CAPN10: variants seen among roughly 807,000 people sequenced by gnomAD.
CAPN10 encodes calpain-10.
In CAPN10, 71 loss-of-function variants were observed where a neutral mutation model predicts 78.4. That is an observed-to-expected ratio of 0.91 (90% confidence interval 0.75 to 1.10). CAPN10 has a LOEUF of 1.10. Ranked by LOEUF, CAPN10 falls within the 50% of genes least tolerant of loss-of-function variation. The pLI, the probability that CAPN10 is intolerant of heterozygous loss-of-function variation, is 0.00. For missense variants in CAPN10, 849 were observed against 924.6 expected (o/e 0.92, Z 1.06); for synonymous variants, 437 against 407.2 (o/e 1.07, Z -0.88).
Position 240,587,010 on chromosome 2 carries a change from G to T in CAPN10, c.99G>T (p.Pro33=). Residue 33 remains proline, a synonymous_variant, in exon 1 of 12, where the codon CCG becomes CCT. Transcript: ENST00000391984. ...DSSLFCDLST[P]LAQFREDITW... ...CGCTCTTCTGCGACTTGTCTACGCC[G>T]CTGGCCCAGTTCCGCGAGGACATCA... 6.8e-7 allele frequency: 1 copy of T among 1,475,510 alleles called. No homozygotes were observed. The highest frequency in any genetic ancestry group is 1.3e-5 in the South Asian group (1 of 76,480). The allele number at this position is 1,475,510 out of a possible 1,614,324, so 91.4% of individuals were successfully genotyped here.
intron 3 of CAPN10, chr2:240,591,712 TG>T: frequency 1.7e-6 from 1 of 579,076 alleles, no homozygotes; most frequent in Non-Finnish European, 3.1e-6. Flanking sequence ...TTTCTGTGTG[TG>T]GGCAGAGGAC....
At chr2:240,594,455 G>A in intron 5 of CAPN10, 88 bp from the exon 6 acceptor site, 1 of 1,374,242 alleles carries the variant, frequency 7.3e-7, no homozygotes, top group Non-Finnish European at 1.0e-6. Context: ...GGCTCTCTGG[G>A]TCCCCTCCAG....
rs201282500 is a variant in CAPN10, at chr2:240,589,331, T to C, written c.142-12T>C. ...GGCATGATCTAACTCTGGACAACTT[T>C]CTGTATCTCAGGAGATTTGTGCCAC... On this transcript the variant is annotated splice_polypyrimidine_tract_variant and intron_variant, in intron 1 of 11. Transcript: ENST00000391984. 12 of 1,614,032 alleles carry C rather than the reference T, an allele frequency of 7.4e-6. No individual in the cohort carries two copies. The highest frequency in any genetic ancestry group is 1.6e-4 in the Middle Eastern group (1 of 6,084).
chr2:240,597,520 G>A (rs186802555), intron 9 of CAPN10, among the ~76,000 whole-genome samples: 1 of 152,336 alleles, frequency 6.6e-6, no homozygotes, highest in East Asian at 1.9e-4. Flanking sequence ...TCGGTTCACA[G>A]TGGGCTGCCT....
rs1322198587 is a variant in CAPN10, at chr2:240,593,959, C to T, written c.742C>T (p.Leu248Phe). 1.9e-6 allele frequency: 3 copies of T among 1,610,904 alleles called. No individual in the cohort carries two copies. In the East Asian group the frequency reaches 6.7e-5, roughly 36 times the overall value. ...CTTCATTGTCTCGGACCTGCGGGAGCTCCAGGGTCAGGCGGGCCAGTGCAT... is the reference window on the plus strand; with the variant it reads ...CTTCATTGTCTCGGACCTGCGGGAGTTCCAGGGTCAGGCGGGCCAGTGCAT... ...HAFIVSDLRE[L>F]QGQAGQCILL... The change falls in exon 5 of 12, where the codon CTC becomes TTC. Residue 248 changes from leucine (L) to phenylalanine (F), a missense_variant. By Grantham distance (22) the Leu-to-Phe change is conservative. Transcript: ENST00000391984.
intron 3 of CAPN10, 181 bp downstream of exon 3, chr2:240,591,192 C>T (rs1376076684): frequency 1.3e-5 from 8 of 602,552 alleles, no homozygotes; most frequent in Non-Finnish European, 2.3e-5. Flanking sequence ...TTCTTTTGGG[C>T]CTGTGGATTG....
At chr2:240,593,215 G>A (rs912682542) in intron 4 of CAPN10, among the ~76,000 whole-genome samples, 3 of 152,242 alleles carry the variant, frequency 2.0e-5, no homozygotes, top group African/African-American at 7.2e-5. Context: ...TAGCACTTCA[G>A]GCTTTAGAGG....
intron 4 of CAPN10, among the ~76,000 whole-genome samples, chr2:240,593,366 G>A (rs962594014): frequency 6.6e-6 from 1 of 152,250 alleles, no homozygotes; most frequent in Non-Finnish European, 1.5e-5. Flanking sequence ...CCCCGCCACA[G>A]ATGTGGCCTT....
At position 240,596,685 on chromosome 2, in the gene CAPN10, A is replaced by G; in HGVS notation, c.1486A>G (p.Ile496Val). 1.3e-6 allele frequency: 2 copies of G among 1,546,618 alleles called. No homozygotes were observed. Among genetic ancestry groups the G allele is most frequent in the Non-Finnish European group, 1.7e-6 (2 of 1,146,270 alleles). Residue 496 changes from isoleucine to valine, a missense_variant, in exon 9 of 12, where the codon ATC (isoleucine) becomes GTC (valine). Coordinates refer to ENST00000391984, the MANE Select transcript of CAPN10 (RefSeq NM_023083.4). ...FSTGRVSLSAIRAVAKNTTPG... is the reference protein window; with the variant it reads ...FSTGRVSLSAVRAVAKNTTPG... ...CCATGTTTGTCTTCTTGGCAGCGCC[A>G]TCAGGGCAGTGGCCAAGAACACCAC... is the stretch of plus-strand genomic sequence containing the variant.
intron 5 of CAPN10, 154 bp from the exon 6 acceptor site, chr2:240,594,389 T>C: frequency 1.3e-6 from 1 of 768,272 alleles, no homozygotes; most frequent in Non-Finnish European, 2.1e-6. Flanking sequence ...GCAGAGCTGC[T>C]TCGGGTGTGG....
chr2:240,592,056 C>A lies in CAPN10; in HGVS notation c.594C>A (p.Asp198Glu), dbSNP rs757719497. ...TAGCAGGAAGCGGAGGCCAGCAGGA[C>A]AGGCCAGGCCGCTGGGAGCACAGGA... is the stretch of plus-strand genomic sequence containing the variant. Reference protein sequence around the residue: ...KGVAGSGGQQDRPGRWEHRTC... With the variant: ...KGVAGSGGQQERPGRWEHRTC... Residue 198 changes from aspartate to glutamate, a missense_variant, in exon 4 of 12, where the codon GAC becomes GAA. Asp to Glu is a conservative substitution (Grantham distance 45, BLOSUM62 2). Transcript: ENST00000391984. The A allele has an allele frequency of 1.2e-6, 2 of 1,610,104 alleles. No homozygotes were observed. The highest frequency in any genetic ancestry group is 2.7e-5 in the African/African-American group (2 of 74,906).
intron 3 of CAPN10, chr2:240,591,630 C>A: frequency 2.3e-6 from 1 of 442,724 alleles, no homozygotes; most frequent in Non-Finnish European, 4.0e-6. Context: ...AGCTTGAGAG[C>A]CAAGGGATGT....
chr2:240,598,163 G>A (rs761233335), intron 10 of CAPN10, 76 bp downstream of exon 10: 28 of 1,437,158 alleles, frequency 1.9e-5, no homozygotes, highest in Middle Eastern at 3.6e-4. Context: ...GTCCCCCCAC[G>A]TCTCCTGCCT....
chr2:240,598,794 C>A lies in CAPN10; in HGVS notation c.*114C>A. On this transcript the variant is annotated 3_prime_UTR_variant, in exon 12 of 12. Transcript: ENST00000391984. The stretch of plus-strand genomic sequence containing the variant: ...GGGGCTGGTCCTGAGTCTTGGCCTG[C>A]CTCCCAGCCCTGCCAGGAGGCTGCG... 1 of 1,030,314 alleles carries A rather than the reference C, an allele frequency of 9.7e-7. No homozygotes were observed. Among genetic ancestry groups the A allele is most frequent in the Non-Finnish European group, 1.5e-6 (1 of 679,274 alleles). 63.8% of individuals were successfully genotyped at this position (1,030,314 alleles called of 1,614,324 possible).
intron 7 of CAPN10, chr2:240,595,796 T>C (rs1291922127): frequency 1.9e-6 from 1 of 531,978 alleles, no homozygotes; most frequent in Non-Finnish European, 3.4e-6. Flanking sequence ...AGTCCCAGGC[T>C]CAACCACTGG....
rs1267358470 is a variant in CAPN10 at position 240,598,332 on chromosome 2, G to T, written c.1944-20G>T. On this transcript the variant is annotated intron_variant, in intron 10 of 11. Transcript: ENST00000391984. ...GTGACAAGTGCAGTCTGGGAGCGCT[G>T]ATCTGGTGTCTCTCCACAGGCCATC... The T allele has an allele frequency of 6.2e-7, 1 of 1,613,634 alleles. No individual in the cohort carries two copies. Among genetic ancestry groups the T allele is most frequent in the Non-Finnish European group, 8.5e-7 (1 of 1,179,864 alleles).
rs747212701 is a variant in CAPN10, at chr2:240,595,044, C to T, written c.1018C>T (p.Arg340Trp). ...LYTERLLCHT[R>W]ALPGAWVKGQ... ...ACTAGAGAGGCTGCTCTGCCATACG[C>T]GGGCGCTGCCTGGGGCCTGGGTCAA... The change falls in exon 7 of 12, where the codon CGG (arginine) becomes TGG (tryptophan). Residue 340 changes from arginine (R) to tryptophan (W), a missense_variant. Physicochemically the swap from Arg to Trp is moderately radical, Grantham distance 101 (BLOSUM62 -3). Transcript: ENST00000391984. 2.2e-5 allele frequency: 36 copies of T among 1,613,048 alleles called. No individual in the cohort carries two copies. Among genetic ancestry groups the T allele is most frequent in the South Asian group, 5.5e-5 (5 of 91,072 alleles).
intron 1 of CAPN10, among the ~76,000 whole-genome samples, 200 bp downstream of exon 1, chr2:240,587,252 C>G (rs972162660): frequency 6.6e-6 from 1 of 152,226 alleles, no homozygotes; most frequent in Non-Finnish European, 1.5e-5. Flanking sequence ...TCGGCGCTAC[C>G]CTAAGGACGC....
In CAPN10 at chr2:240,590,940, G is replaced by T. The variant is rs2093097998; in HGVS notation, c.399G>T (p.Gly133=). The stretch of plus-strand genomic sequence containing the variant: ...ATGACCGCCTGCCGTGCCTTGCAGG[G>T]AGACTCTGTTTCTCCCGCTGCCAGA... ...TTDDRLPCLA[G]RLCFSRCQRE... The change falls in exon 3 of 12, where the codon GGG becomes GGT. Residue 133 remains glycine, a synonymous_variant. Transcript: ENST00000391984. The T allele has an allele frequency of 1.2e-6, 2 of 1,614,254 alleles. No individual in the cohort carries two copies. The highest frequency in any genetic ancestry group is 1.7e-6 in the Non-Finnish European group (2 of 1,180,054).
Sources: gnomAD v4.1 joint callset for allele counts (sites outside exome capture counted in the v4.1 genomes callset) on GRCh38, gnomAD v4.1.1 for gene constraint, MANE v1.5 for transcripts, NCBI Gene and HGNC (gene_info 2026-07-23, HGNC 2026-07-21) for gene names.